The following CUL7 variants were observed in gnomAD, a reference collection of about 807,000 sequenced individuals.
The protein encoded by CUL7 is cullin-7.
Under a neutral mutation model 177.7 loss-of-function variants are expected in CUL7, and 96 were observed. The observed-to-expected ratio is 0.54, with a 90% CI of 0.46 to 0.64. The LOEUF (loss-of-function observed/expected upper bound fraction) is 0.64, where lower values mean the gene tolerates loss of function less well. CUL7 is among the 30% of genes least tolerant of loss of function. The pLI, the probability that CUL7 is intolerant of heterozygous loss-of-function variation, is 0.00. For missense variants in CUL7, 1,893 were observed against 2,187.9 expected (o/e 0.87, Z 2.69); for synonymous variants, 824 against 890.2 (o/e 0.93, Z 1.32).
In CUL7 at chr6:43,043,357, G is replaced by T. The variant is rs1763616258; in HGVS notation, c.3355+91C>A. The T allele has an allele frequency of 7.3e-7, 1 of 1,360,618 alleles. No homozygotes were observed. Among genetic ancestry groups the T allele is most frequent in the Non-Finnish European group, 1.0e-6 (1 of 954,946 alleles). 84.3% of individuals were successfully genotyped at this position (1,360,618 alleles called of 1,614,324 possible). On this transcript the variant is annotated intron_variant, in intron 17 of 25. Coordinates refer to ENST00000265348, the MANE Select transcript of CUL7 (RefSeq NM_014780.5). The surrounding 1 kb of genome is among the most constrained non-coding windows in gnomAD (Gnocchi z 4.2). ...CAGGCTGAGCCCATAGGGAGGGGAA[G>T]GATGGGGATGGACAGAAGCCTGTGG...
At chr6:43,049,372 G>A in intron 7 of CUL7, 35 bp downstream of exon 7, 9 of 1,613,892 alleles carry the variant, frequency 5.6e-6, no homozygotes, top group Non-Finnish European at 7.6e-6. Flanking sequence ...CTGCCCTGAA[G>A]GTGTGTCAGC....
rs755500414 is a variant in CUL7, at chr6:43,042,984, C to T, written c.3463G>A (p.Val1155Met). 6.2e-7 allele frequency: 1 copy of T among 1,614,166 alleles called. No homozygotes were observed. Among genetic ancestry groups the T allele is most frequent in the Non-Finnish European group, 8.5e-7 (1 of 1,180,032 alleles). Residue 1155 changes from valine (V) to methionine (M), a missense_variant and splice_region_variant, in exon 19 of 26, where the codon GTG becomes ATG. Transcript: ENST00000265348. ...CAGGATGAGGTCAGAAAATTGTTCA[C>T]CTGGAAGGAAGGGGCAGGAGCATGA... ...RCWRAVVEKQ[V>M]NNFLTSSWRD...
chr6:43,042,125 A>G (rs898127887), intron 19 of CUL7, among the ~76,000 whole-genome samples: 1 of 150,976 alleles, frequency 6.6e-6, no homozygotes, highest in Non-Finnish European at 1.5e-5. Context: ...GAGGGAAGGA[A>G]GGAAGGAAGG....
In CUL7 at chr6:43,051,048, T is replaced by G; in HGVS notation, c.1153A>C (p.Met385Leu). Residue 385 changes from methionine (M) to leucine (L), a missense_variant, in exon 4 of 26, where the codon ATG becomes CTG. Around this residue, in one of 5 missense-constraint regions of CUL7, gnomAD observed 653 missense variants for 725.2 expected, o/e 0.90. Transcript: ENST00000265348. This position sits in a 1 kb window ranked among gnomAD's most constrained non-coding sequence, Gnocchi z 5.0. ...DTLQPGMRVR[M>L]LDDYEEISAG... The stretch of plus-strand genomic sequence containing the variant: ...CTGATCTCCTCATAATCATCCAGCA[T>G]CCGCACTCGCATCCCCGGCTGCAGT... 6.2e-7 allele frequency: 1 copy of G among 1,614,104 alleles called. No homozygotes were observed. The highest frequency in any genetic ancestry group is 8.5e-7 in the Non-Finnish European group (1 of 1,179,976).
chr6:43,053,830 G>T lies in CUL7; in HGVS notation c.-217C>A, dbSNP rs1460071696. 4 of 1,532,902 alleles carry T rather than the reference G, an allele frequency of 2.6e-6. No homozygotes were observed. In the African/African-American group the frequency reaches 4.1e-5, roughly 16 times the overall value. 95.0% of individuals were successfully genotyped at this position (1,532,902 alleles called of 1,614,324 possible). ...AGGGTGGGGCCCGGTCCCTGCCAGC[G>T]GCTCCGCCAGCCAAAAGCCACGGCT... On this transcript the variant is annotated 5_prime_UTR_variant, in exon 1 of 26. Coordinates refer to ENST00000265348, the MANE Select transcript of CUL7 (RefSeq NM_014780.5). This position sits in a 1 kb window ranked among gnomAD's most constrained non-coding sequence, Gnocchi z 4.1.
chr6:43,049,444 G>A lies in CUL7; in HGVS notation c.1788C>T (p.Ala596=), dbSNP rs753468831. 6.2e-7 allele frequency: 1 copy of A among 1,614,168 alleles called. No individual in the cohort carries two copies. The highest frequency in any genetic ancestry group is 2.2e-5 in the East Asian group (1 of 44,888). Residue 596 remains alanine (A), a synonymous_variant, in exon 7 of 26, where the codon GCC becomes GCT. Coordinates refer to ENST00000265348, the MANE Select transcript of CUL7 (RefSeq NM_014780.5). The part of the protein sequence containing the change: ...QEDVLLLDAQ[A]QAKDSEDAAK... Reference sequence around the variant, plus strand: ...CTGCATCTTCTGAGTCCTTAGCCTGGGCCTGCGCGTCTAGCAGGAGGACAT... The same window carrying A: ...CTGCATCTTCTGAGTCCTTAGCCTGAGCCTGCGCGTCTAGCAGGAGGACAT...
intron 16 of CUL7, 144 bp downstream of exon 16, chr6:43,044,608 G>GT (rs1170412227): frequency 8.4e-7 from 1 of 1,191,744 alleles, no homozygotes; most frequent in Non-Finnish European, 1.1e-6. Flanking sequence ...CCCCTGGGCT[G>GT]TGAGAAGACA....
At chr6:43,047,387 C>T (rs930097917) in intron 9 of CUL7, among the ~76,000 whole-genome samples, 6 of 152,126 alleles carry the variant, frequency 3.9e-5, no homozygotes, top group Admixed American at 3.3e-4. Flanking sequence ...GAGAGCATCC[C>T]TGGGTTCTTT....
At position 43,038,580 on chromosome 6, in the gene CUL7, T is replaced by A. The variant is rs1385566888; in HGVS notation, c.4553A>T (p.Lys1518Met). Reference sequence around the variant, plus strand: ...TAAGTGCATACCTCCTGGTATATCCTTTTGCTCGTGAAGGTCCAGGGGGCC... The same window carrying A: ...TAAGTGCATACCTCCTGGTATATCCATTTGCTCGTGAAGGTCCAGGGGGCC... ...SRGPLDLHEQ[K>M]DIPGGVLKIR... The change falls in exon 24 of 26, where the codon AAG (lysine) becomes ATG (methionine). Residue 1518 changes from lysine (K) to methionine (M), a missense_variant. Lys to Met is a moderately conservative substitution (Grantham distance 95). Around this residue, in one of 5 missense-constraint regions of CUL7, gnomAD observed 248 missense variants for 262.5 expected, o/e 0.94. Transcript: ENST00000265348. The A allele has an allele frequency of 6.2e-7, 1 of 1,613,990 alleles. No individual in the cohort carries two copies. The highest frequency in any genetic ancestry group is 1.1e-5 in the South Asian group (1 of 91,084).
rs1277631746 is a variant in CUL7 at position 43,050,061 on chromosome 6, G to C, written c.1471C>G (p.Leu491Val). ...AAGAGGAGTTCCCACCACTCAGCCAGGGTCAGGTGTTCACACTCCTCAGTG... is the reference window on the plus strand; with the variant it reads ...AAGAGGAGTTCCCACCACTCAGCCACGGTCAGGTGTTCACACTCCTCAGTG... ...EDTEECEHLT[L>V]AEWWELLFFI... Residue 491 changes from leucine to valine, a missense_variant, in exon 6 of 26, where the codon CTG becomes GTG. Leu to Val is a conservative substitution (Grantham distance 32). Coordinates refer to ENST00000265348, the MANE Select transcript of CUL7 (RefSeq NM_014780.5). The surrounding 1 kb of genome is among the most constrained non-coding windows in gnomAD (Gnocchi z 4.1). 3 of 1,614,204 alleles carry C rather than the reference G, an allele frequency of 1.9e-6. No individual in the cohort carries two copies.
chr6:43,050,143 G>C lies in CUL7; in HGVS notation c.1389C>G (p.Arg463=). The change falls in exon 6 of 26, where the codon CGC becomes CGG. Residue 463 remains arginine (R), a synonymous_variant. Coordinates refer to ENST00000265348, the MANE Select transcript of CUL7 (RefSeq NM_014780.5). The surrounding 1 kb of genome is among the most constrained non-coding windows in gnomAD (Gnocchi z 4.1). ...CATAGAGTTCTGTCATGGGCCTCCA[G>C]CGCCAGGCAGGCAGGGCTGTGAAAA... is the stretch of plus-strand genomic sequence containing the variant. ...RVLGRALPAW[R]WRPMTELYAV... 3 of 1,614,236 alleles carry C rather than the reference G, an allele frequency of 1.9e-6. No homozygotes were observed. Among genetic ancestry groups the C allele is most frequent in the Non-Finnish European group, 2.5e-6 (3 of 1,180,048 alleles).
intron 19 of CUL7, 71 bp from the exon 20 acceptor site, chr6:43,041,146 G>C (rs1763386270): frequency 6.6e-7 from 1 of 1,518,980 alleles, no homozygotes. Flanking sequence ...GGAGGGATGA[G>C]GGTCTGGAAA....
chr6:43,052,779 C>A lies in CUL7; in HGVS notation c.10G>T (p.Glu4Ter). The part of the protein sequence containing the change: MVG[E>*]LRYREFRVPL... The stretch of plus-strand genomic sequence containing the variant: ...ACCCTGAATTCCCTGTAGCGGAGTT[C>A]TCCCACCATCCTGGCACCTGGAGCA... The change falls in exon 2 of 26, where the codon GAA becomes TAA. Residue 4 changes from glutamate (E) to a stop codon, truncating the protein, a stop_gained. Coordinates refer to ENST00000265348, the MANE Select transcript of CUL7 (RefSeq NM_014780.5). LOFTEE classifies it high-confidence loss of function. The surrounding 1 kb of genome is among the most constrained non-coding windows in gnomAD (Gnocchi z 4.5). 6.2e-7 allele frequency: 1 copy of A among 1,604,786 alleles called. No homozygotes were observed.
Position 43,048,541 on chromosome 6 carries a change from G to A in CUL7, c.1854C>T (p.Asn618=). The A allele has an allele frequency of 6.2e-7, 1 of 1,614,138 alleles. No individual in the cohort carries two copies. Among genetic ancestry groups the A allele is most frequent in the Non-Finnish European group, 8.5e-7 (1 of 1,179,996 alleles). Residue 618 remains asparagine, a synonymous_variant, in exon 8 of 26, where the codon AAC becomes AAT. Transcript: ENST00000265348. ...CCTCCACCAGACGCTGCAGGGGAGT[G>A]TTGGGACTCTGAGATGGGGGTTCTT... ...EAKEPPSQSP[N]TPLQRLVEGY...
rs779851311 is a variant in CUL7, at chr6:43,048,585, A to G, written c.1826-16T>C. On this transcript the variant is annotated splice_polypyrimidine_tract_variant and intron_variant, in intron 7 of 25. Coordinates refer to ENST00000265348, the MANE Select transcript of CUL7 (RefSeq NM_014780.5). ...GGTTCTTTTGCTACAGGAAGGGGAC[A>G]GTCACAGGAGTTGGCCATTGTTAGT... The G allele has an allele frequency of 5.7e-6, 9 of 1,575,490 alleles. No homozygotes were observed. The highest frequency in any genetic ancestry group is 7.9e-6 in the Non-Finnish European group (9 of 1,144,944).
In CUL7 at chr6:43,042,855, G is replaced by T. The variant is rs1255329651; in HGVS notation, c.3592C>A (p.Gln1198Lys). The change falls in exon 19 of 26, where the codon CAA becomes AAA. Residue 1198 changes from glutamine (Q) to lysine (K), a missense_variant. By Grantham distance (53) the Gln-to-Lys change is moderately conservative. Around this residue, in one of 5 missense-constraint regions of CUL7, gnomAD observed 973 missense variants for 1,140.9 expected, o/e 0.85. Transcript: ENST00000265348. ...AGCAAGGCTCCCGCACAGCCATTTT[G>T]CAGCGCCAGCAAGAAGGCTGCCCGA... ...GPRAAFLLAL[Q>K]NGCAGALLKL... 1.2e-6 allele frequency: 2 copies of T among 1,613,760 alleles called. No individual in the cohort carries two copies. Among genetic ancestry groups the T allele is most frequent in the African/African-American group, 2.7e-5 (2 of 74,938 alleles).
At position 43,043,218 on chromosome 6, in the gene CUL7, G is replaced by T; in HGVS notation, c.3356-38C>A. ...AGAAAGTGGCAGAGGCAAGGAGGGTGCAGCCCCTCCACTCCCAAGTCCCCA... is the reference window on the plus strand; with the variant it reads ...AGAAAGTGGCAGAGGCAAGGAGGGTTCAGCCCCTCCACTCCCAAGTCCCCA... On this transcript the variant is annotated intron_variant, in intron 17 of 25. Coordinates refer to ENST00000265348, the MANE Select transcript of CUL7 (RefSeq NM_014780.5). The surrounding 1 kb of genome is among the most constrained non-coding windows in gnomAD (Gnocchi z 4.2). The T allele has an allele frequency of 6.5e-7, 1 of 1,527,506 alleles. No individual in the cohort carries two copies. Among genetic ancestry groups the T allele is most frequent in the South Asian group, 1.1e-5 (1 of 88,852 alleles). 94.6% of individuals were successfully genotyped at this position (1,527,506 alleles called of 1,614,324 possible).
At position 43,052,422 on chromosome 6, in the gene CUL7, G is replaced by C; in HGVS notation, c.367C>G (p.Arg123Gly). ...GTGCCCACACACTCCTCCAGCTGCC[G>C]AAGGGCTCTCTGAATGAGGGACTTC... ...DVKSLIQRAL[R>G]QLEECVGTIP... is the part of the protein sequence containing the mutation. Residue 123 changes from arginine to glycine, a missense_variant, in exon 2 of 26, where the codon CGG becomes GGG. By Grantham distance (125) the Arg-to-Gly change is moderately radical. Around this residue, in one of 5 missense-constraint regions of CUL7, gnomAD observed 653 missense variants for 725.2 expected, o/e 0.90. Coordinates refer to ENST00000265348, the MANE Select transcript of CUL7 (RefSeq NM_014780.5). The surrounding 1 kb of genome is among the most constrained non-coding windows in gnomAD (Gnocchi z 4.5). The C allele has an allele frequency of 6.2e-7, 1 of 1,614,070 alleles. No homozygotes were observed. The highest frequency in any genetic ancestry group is 8.5e-7 in the Non-Finnish European group (1 of 1,179,906).
Position 43,038,639 on chromosome 6 carries a change from G to A in CUL7, c.4494C>T (p.Leu1498=), listed in dbSNP as rs751649131. The A allele has an allele frequency of 3.1e-6, 5 of 1,614,018 alleles. 1 individual carries two copies. In the South Asian group the frequency reaches 3.3e-5, roughly 11 times the overall value. The change falls in exon 24 of 26, where the codon CTC becomes CTT. Residue 1498 remains leucine, a synonymous_variant. Coordinates refer to ENST00000265348, the MANE Select transcript of CUL7 (RefSeq NM_014780.5). The stretch of plus-strand genomic sequence containing the variant: ...AGGTGAGGGGCCCAATCGCCTGATT[G>A]AGCATGTCTGCGGAGAGCCCTGAGA... ...LAFSGLSADM[L]NQAIGPLTSS...
Sources: gnomAD v4.1 joint callset for allele counts (sites outside exome capture counted in the v4.1 genomes callset) on GRCh38, gnomAD v4.1.1 for gene constraint, gnomAD v4.1.1 regional missense constraint, Gnocchi (gnomAD v3.1) non-coding constraint, MANE v1.5 for transcripts, NCBI Gene and HGNC (gene_info 2026-07-23, HGNC 2026-07-21) for gene names.